Variants in NWD2 observed in about 807,000 individuals in gnomAD.
NWD2 encodes NACHT and WD repeat domain-containing protein 2.
Under a neutral mutation model 132.7 loss-of-function variants are expected in NWD2, and 37 were observed. The ratio of observed to expected loss-of-function variants is 0.28; its 90% CI spans 0.21 to 0.37. The LOEUF (loss-of-function observed/expected upper bound fraction) is 0.37, where lower values mean the gene tolerates loss of function less well. Among genes scored for constraint, NWD2 ranks in the 10% least tolerant of loss-of-function variants. The pLI is 1.00. For missense variants in NWD2, 1,592 were observed against 2,122.4 expected, an observed-to-expected ratio of 0.75 and a Z score of 4.91; for synonymous variants, 705 against 803.0, an observed-to-expected ratio of 0.88 and a Z score of 2.06.
chr4:37,448,029 C>A lies in NWD2; in HGVS notation c.*812C>A, dbSNP rs1231087542. 4 of 152,302 alleles carry A rather than the reference C, an allele frequency of 2.6e-5. No individual in the cohort carries two copies. The highest frequency in any genetic ancestry group is 9.6e-5 in the African/African-American group (4 of 41,564). The allele number at this position is 152,302 out of a possible 1,614,324, so 9.4% of individuals were successfully genotyped here. A position where few individuals can be genotyped will look rare whatever the true frequency, so the allele number is the denominator to read the frequency against. On this transcript the variant is annotated 3_prime_UTR_variant, in exon 7 of 7. Coordinates refer to ENST00000309447, the MANE Select transcript of NWD2 (RefSeq NM_001144990.2). ...GGTGTAAAGAAGATTACAGGAAGGG[C>A]ATTACAAATCTGGTCAAAACACCTG... is the stretch of plus-strand genomic sequence containing the variant.
intron 1 of NWD2, among the ~76,000 whole-genome samples, chr4:37,290,236 T>C (rs1429989768): frequency 6.6e-6 from 1 of 152,088 alleles, no homozygotes; most frequent in African/African-American, 2.4e-5. Flanking sequence ...AATACCAAGA[T>C]AGATAAAACA....
intron 3 of NWD2, among the ~76,000 whole-genome samples, chr4:37,367,739 C>T (rs1720130860): frequency 6.6e-6 from 1 of 152,086 alleles, no homozygotes; most frequent in African/African-American, 2.4e-5. Flanking sequence ...TTGTGTTGAA[C>T]ACGTTTCCTC....
intron 2 of NWD2, among the ~76,000 whole-genome samples, chr4:37,346,325 G>A (rs1489959574): frequency 6.6e-6 from 1 of 152,136 alleles, no homozygotes; most frequent in African/African-American, 2.4e-5. Flanking sequence ...TTGACCTTAT[G>A]TGTGAAGATT....
intron 1 of NWD2, among the ~76,000 whole-genome samples, chr4:37,270,516 C>A (rs76445755): frequency 1.3e-5 from 2 of 151,708 alleles, no homozygotes; most frequent in East Asian, 3.9e-4. Context: ...TGCATGGCTC[C>A]CACGGAGAGG....
intron 3 of NWD2, among the ~76,000 whole-genome samples, chr4:37,385,641 A>T (rs115901920): frequency 0.019 from 2,914 of 152,312 alleles, 95 homozygotes; most frequent in African/African-American, 0.066. Flanking sequence ...CATCAGGAGC[A>T]CAACAAAAGT....
intron 1 of NWD2, among the ~76,000 whole-genome samples, chr4:37,316,758 A>G (rs752087542): frequency 6.6e-6 from 1 of 152,006 alleles, no homozygotes; most frequent in Non-Finnish European, 1.5e-5. Context: ...CACTCAGACA[A>G]TTTCCGTTGA....
chr4:37,260,762 AT>A (rs1232868437), intron 1 of NWD2, among the ~76,000 whole-genome samples: 1 of 152,196 alleles, frequency 6.6e-6, no homozygotes, highest in Non-Finnish European at 1.5e-5. Flanking sequence ...AGACTATTAG[AT>A]TGATTTTTTT....
intron 3 of NWD2, among the ~76,000 whole-genome samples, chr4:37,387,102 A>G (rs959476294): frequency 5.9e-5 from 9 of 152,222 alleles, no homozygotes; most frequent in Non-Finnish European, 8.8e-5. Flanking sequence ...ACTGTTAACT[A>G]CATTATTCAA....
intron 3 of NWD2, among the ~76,000 whole-genome samples, chr4:37,382,390 C>T (rs1025520061): frequency 6.6e-6 from 1 of 152,152 alleles, no homozygotes; most frequent in Non-Finnish European, 1.5e-5. Context: ...TTGATTTTGG[C>T]CCTCTGTTTA....
chr4:37,371,243 A>G (rs1259852282), intron 3 of NWD2, among the ~76,000 whole-genome samples: 1 of 151,478 alleles, frequency 6.6e-6, no homozygotes, highest in Non-Finnish European at 1.5e-5. Context: ...ACGCCCAGCT[A>G]ATTTTGTATT....
At position 37,442,947 on chromosome 4, in the gene NWD2, C is replaced by T. The variant is rs149333800; in HGVS notation, c.1297-338C>T. ...GGAAATGGGTATTCATTCAGTGATA[C>T]AAAGCTGACCATACTAGATATTTGT... On this transcript the variant is annotated intron_variant, in intron 6 of 6. Transcript: ENST00000309447. Among the ~76,000 whole-genome samples, 217 of 152,004 alleles carry T rather than the reference C, an allele frequency of 1.4e-3. 3 individuals carry two copies. Among genetic ancestry groups the T allele is most frequent in the African/African-American group, 4.8e-3 (199 of 41,420 alleles).
At chr4:37,263,170 GTA>G (rs1717679560) in intron 1 of NWD2, among the ~76,000 whole-genome samples, 2 of 152,102 alleles carry the variant, frequency 1.3e-5, no homozygotes, top group Non-Finnish European at 2.9e-5. Flanking sequence ...AGATCCCAGA[GTA>G]TTTTATATTA....
intron 1 of NWD2, among the ~76,000 whole-genome samples, chr4:37,253,741 C>T (rs1717446446): frequency 6.6e-6 from 1 of 152,032 alleles, no homozygotes; most frequent in African/African-American, 2.4e-5. Context: ...ACATATTTCT[C>T]TATAAATAAG....
chr4:37,275,796 G>A (rs137992600), intron 1 of NWD2, among the ~76,000 whole-genome samples: 83 of 152,112 alleles, frequency 5.5e-4, no homozygotes, highest in Middle Eastern at 3.4e-3. Flanking sequence ...GTAAGGCCAC[G>A]TATCTACAAC....
rs1052665306 is a variant in NWD2, at chr4:37,269,167, A to G, written c.151+23949A>G. 9.2e-5 allele frequency among the ~76,000 whole-genome samples: 14 copies of G among 151,872 alleles called. 1 individual carries two copies. The highest frequency in any genetic ancestry group is 9.2e-4 in the Admixed American group (14 of 15,216). The stretch of plus-strand genomic sequence containing the variant: ...TTTTGTTTACATTAAAGAACACATA[A>G]TCATGCGATGATCACAAATAAGTGT... On this transcript the variant is annotated intron_variant, in intron 1 of 6. Transcript: ENST00000309447.
At chr4:37,356,590 T>A (rs930772543) in intron 3 of NWD2, 108 bp downstream of exon 3, 1 of 687,748 alleles carries the variant, frequency 1.5e-6, no homozygotes, top group Non-Finnish European at 2.5e-6. Flanking sequence ...AAAAAGACTT[T>A]TTTATGTCTA....
chr4:37,276,346 C>T (rs1342238424), intron 1 of NWD2, among the ~76,000 whole-genome samples: 1 of 152,170 alleles, frequency 6.6e-6, no homozygotes, highest in South Asian at 2.1e-4. Flanking sequence ...AAAAAATGCT[C>T]ATCATCACTG....
chr4:37,382,836 G>A (rs1017285460), intron 3 of NWD2, among the ~76,000 whole-genome samples: 1 of 151,824 alleles, frequency 6.6e-6, no homozygotes, highest in Non-Finnish European at 1.5e-5. Flanking sequence ...GATTACAGGC[G>A]CACACCACCA....
chr4:37,304,092 G>C (rs558239255), intron 1 of NWD2, among the ~76,000 whole-genome samples: 1 of 152,166 alleles, frequency 6.6e-6, no homozygotes, highest in Non-Finnish European at 1.5e-5. Context: ...CAGTTCTGTA[G>C]GCTGTACAGG....
Sources: gnomAD v4.1 joint callset for allele counts (sites outside exome capture counted in the v4.1 genomes callset) on GRCh38, gnomAD v4.1.1 for gene constraint, MANE v1.5 for transcripts, NCBI Gene and HGNC (gene_info 2026-07-23, HGNC 2026-07-21) for gene names.